The following PIK3C2G variants were observed in gnomAD, a reference collection of about 807,000 sequenced individuals.
The protein encoded by PIK3C2G is phosphatidylinositol 3-kinase C2 domain-containing subunit gamma.
Under a neutral mutation model 181.1 loss-of-function variants are expected in PIK3C2G, and 168 were observed. The observed-to-expected ratio is 0.93, with a 90% CI of 0.82 to 1.05. The LOEUF (loss-of-function observed/expected upper bound fraction) is 1.05. Ranked by LOEUF, PIK3C2G falls within the 50% of genes least tolerant of loss-of-function variation. The pLI is 0.00. For missense variants in PIK3C2G, 1,869 were observed against 1,732.8 expected, an observed-to-expected ratio of 1.08 and a Z score of -1.40; for synonymous variants, 573 against 592.2, an observed-to-expected ratio of 0.97 and a Z score of 0.47.
intron 18 of PIK3C2G, among the ~76,000 whole-genome samples, chr12:18,448,808 T>C (rs1014577023): frequency 2.0e-5 from 3 of 151,582 alleles, no homozygotes; most frequent in African/African-American, 7.3e-5. Flanking sequence ...TATATGTATA[T>C]ATTATACACA....
At chr12:18,464,753 G>A (rs756591447) in intron 18 of PIK3C2G, among the ~76,000 whole-genome samples, 5 of 151,910 alleles carry the variant, frequency 3.3e-5, no homozygotes, top group Admixed American at 6.6e-5. Context: ...TGACATTCAC[G>A]CATGTTTTTG....
chr12:18,489,445 A>G (rs1034227915), intron 19 of PIK3C2G, among the ~76,000 whole-genome samples: 14 of 152,114 alleles, frequency 9.2e-5, no homozygotes, highest in African/African-American at 2.9e-4. Context: ...TAAAAATAGT[A>G]GTAGGCAAAG....
intron 22 of PIK3C2G, among the ~76,000 whole-genome samples, chr12:18,498,056 T>C (rs1166821687): frequency 7.2e-5 from 11 of 152,176 alleles, no homozygotes. Flanking sequence ...TCTCATTTTC[T>C]TATATAAAGC....
intron 29 of PIK3C2G, among the ~76,000 whole-genome samples, chr12:18,582,889 C>T (rs1193262604): frequency 5.9e-5 from 9 of 151,936 alleles, no homozygotes; most frequent in Non-Finnish European, 1.0e-4. Flanking sequence ...GCCACTCTCA[C>T]CCAGTGTTTT....
chr12:18,608,150 G>A (rs887549711), intron 30 of PIK3C2G, among the ~76,000 whole-genome samples: 62 of 152,192 alleles, frequency 4.1e-4, no homozygotes, highest in African/African-American at 1.3e-3. Flanking sequence ...TCAGTGTGGT[G>A]ATTCCTCAAG....
In PIK3C2G at chr12:18,642,333, T is replaced by A. The variant is rs979225354; in HGVS notation, c.4308+1779T>A. ...AGGCTCTTTATTTCCCCACTGTGGA[T>A]ACCAATTATTCCAGTACTATTTGTT... On this transcript the variant is annotated intron_variant, in intron 32 of 32. Transcript: ENST00000538779. Among the ~76,000 whole-genome samples the A allele has an allele frequency of 7.9e-5, 12 of 152,228 alleles. 1 individual carries two copies. Among genetic ancestry groups the A allele is most frequent in the Admixed American group, 7.2e-4 (11 of 15,276 alleles).
chr12:18,542,034 G>A (rs1291017369), intron 25 of PIK3C2G, among the ~76,000 whole-genome samples: 3 of 151,850 alleles, frequency 2.0e-5, no homozygotes, highest in African/African-American at 7.2e-5. Flanking sequence ...GGTTATGTGT[G>A]TGGGTGTTGG....
At chr12:18,445,840 G>T (rs1021209582) in intron 18 of PIK3C2G, among the ~76,000 whole-genome samples, 2 of 152,048 alleles carry the variant, frequency 1.3e-5, no homozygotes, top group African/African-American at 4.8e-5. Flanking sequence ...TACTATTCAC[G>T]TAAAAGAAAT....
At chr12:18,397,373 T>C (rs1943960323) in intron 15 of PIK3C2G, among the ~76,000 whole-genome samples, 1 of 152,046 alleles carries the variant, frequency 6.6e-6, no homozygotes, top group South Asian at 2.1e-4. Flanking sequence ...CAAGCCACAT[T>C]CTGAGAAAAA....
the PIK3C2G span, chr12:18,715,034 C>G: frequency 6.6e-6 from 1 of 151,586 alleles, no homozygotes; most frequent in Non-Finnish European, 1.5e-5. Context: ...CTTTGGCGAT[C>G]ATATGCAGTC....
At chr12:18,249,897 C>T (rs1948078780) in intron 1 of PIK3C2G, among the ~76,000 whole-genome samples, 1 of 150,542 alleles carries the variant, frequency 6.6e-6, no homozygotes, top group Non-Finnish European at 1.5e-5. Flanking sequence ...CTCGAATAAG[C>T]TTCCAACTAA....
At chr12:18,444,943 C>T (rs1946945643) in intron 18 of PIK3C2G, among the ~76,000 whole-genome samples, 2 of 152,122 alleles carry the variant, frequency 1.3e-5, no homozygotes, top group Admixed American at 6.6e-5. Flanking sequence ...AAAAAGAACA[C>T]TGCCAAATAA....
chr12:18,550,191 T>C (rs1017269035), intron 26 of PIK3C2G, among the ~76,000 whole-genome samples: 1 of 152,070 alleles, frequency 6.6e-6, no homozygotes, highest in Non-Finnish European at 1.5e-5. Context: ...GCCAGCAGCC[T>C]CCATTAATTG....
chr12:18,605,498 TAGAG>T (rs1379159388), intron 30 of PIK3C2G, among the ~76,000 whole-genome samples: 2 of 152,086 alleles, frequency 1.3e-5, no homozygotes, highest in African/African-American at 4.8e-5. Context: ...TTCCACAAGA[TAGAG>T]AAAGAAGGAC....
At chr12:18,470,792 A>G (rs1374318894) in intron 18 of PIK3C2G, among the ~76,000 whole-genome samples, 1 of 152,128 alleles carries the variant, frequency 6.6e-6, no homozygotes, top group Non-Finnish European at 1.5e-5. Context: ...CTCAATGTCA[A>G]CAGAAGGGAG....
In PIK3C2G at chr12:18,295,097, AT is replaced by A. The variant is rs1389226052; in HGVS notation, c.1034+1087del. Among the ~76,000 whole-genome samples, 11 of 149,594 alleles carry A rather than the reference AT, an allele frequency of 7.4e-5. No individual in the cohort carries two copies. In the East Asian group the frequency reaches 1.8e-3, roughly 24 times the overall value. On this transcript the variant is annotated intron_variant, in intron 5 of 32. Coordinates refer to ENST00000538779, the MANE Select transcript of PIK3C2G (RefSeq NM_001288772.2). ...TGTATTAAAATAATATTTCAATAGC[AT>A]TTTTATAATTATTATTTTATAATAA...
intron 5 of PIK3C2G, among the ~76,000 whole-genome samples, chr12:18,297,672 C>T (rs1234474503): frequency 1.3e-5 from 2 of 152,004 alleles, no homozygotes; most frequent in Admixed American, 1.3e-4. Flanking sequence ...TAACCCACCT[C>T]TCTTCATCCT....
At chr12:18,577,431 T>C (rs573959854) in intron 29 of PIK3C2G, among the ~76,000 whole-genome samples, 4 of 152,348 alleles carry the variant, frequency 2.6e-5, no homozygotes, top group African/African-American at 9.6e-5. Flanking sequence ...TCTTGTTTTG[T>C]GTCTCTTTTA....
At chr12:18,521,401 G>A (rs1263018702) in intron 24 of PIK3C2G, among the ~76,000 whole-genome samples, 1 of 152,206 alleles carries the variant, frequency 6.6e-6, no homozygotes, top group Admixed American at 6.5e-5. Context: ...GTCCTCTTAG[G>A]GGCTCAGGCC....
Sources: gnomAD v4.1 joint callset for allele counts (sites outside exome capture counted in the v4.1 genomes callset) on GRCh38, gnomAD v4.1.1 for gene constraint, MANE v1.5 for transcripts, NCBI Gene and HGNC (gene_info 2026-07-23, HGNC 2026-07-21) for gene names.